Variants in TXNDC16 observed in about 807,000 individuals in gnomAD.
The protein encoded by TXNDC16 is thioredoxin domain-containing protein 16.
A neutral mutation model predicts 85.6 loss-of-function variants in TXNDC16; 74 were observed. The observed-to-expected ratio is 0.86, with a 90% CI of 0.72 to 1.05. TXNDC16 has a LOEUF of 1.05. Ranked by LOEUF, TXNDC16 falls within the 50% of genes least tolerant of loss-of-function variation. The probability of loss-of-function intolerance (pLI) is 0.00; values close to 1 mark genes in which losing one functional copy is unlikely to be tolerated. For synonymous variants in TXNDC16, 335 were observed against 326.5 expected, an observed-to-expected ratio of 1.03 and a Z score of -0.28; for missense variants, 959 against 947.0, an observed-to-expected ratio of 1.01 and a Z score of -0.17.
At chr14:52,458,867 C>T (rs1037725) in intron 16 of TXNDC16, among the ~76,000 whole-genome samples, 2,038 of 152,252 alleles carry the variant, frequency 0.013, 45 homozygotes, top group African/African-American at 0.046. Context: ...AAAGTCTCTT[C>T]GTAAATCCAT....
chr14:52,516,600 C>T (rs2037088088), intron 7 of TXNDC16, among the ~76,000 whole-genome samples: 2 of 152,172 alleles, frequency 1.3e-5, no homozygotes, highest in African/African-American at 4.8e-5. Flanking sequence ...TGCTGGGACT[C>T]AATGGGTCCT....
intron 10 of TXNDC16, 79 bp downstream of exon 10, chr14:52,490,760 T>C: frequency 6.8e-7 from 1 of 1,461,094 alleles, no homozygotes; most frequent in East Asian, 2.3e-5. Flanking sequence ...TACTTATAAG[T>C]GATTAAATTA....
At chr14:52,515,629 T>C (rs1364952222) in intron 7 of TXNDC16, among the ~76,000 whole-genome samples, 1 of 137,506 alleles carries the variant, frequency 7.3e-6, no homozygotes, top group East Asian at 2.0e-4. Flanking sequence ...TCATTTCTTC[T>C]TCTCTTATTT....
chr14:52,530,969 A>G (rs999472600), intron 6 of TXNDC16, among the ~76,000 whole-genome samples: 2 of 152,036 alleles, frequency 1.3e-5, no homozygotes, highest in East Asian at 3.9e-4. Context: ...ACTGTTACCC[A>G]AAATATACAA....
chr14:52,432,057 A>G lies in TXNDC16; in HGVS notation c.*247T>C, dbSNP rs1219631782. 3.2e-6 allele frequency: 1 copy of G among 316,860 alleles called. No individual in the cohort carries two copies. Among genetic ancestry groups the G allele is most frequent in the Non-Finnish European group, 5.7e-6 (1 of 176,912 alleles). 19.6% of individuals were successfully genotyped at this position (316,860 alleles called of 1,614,324 possible). A position where few individuals can be genotyped will look rare whatever the true frequency, so the allele number is the denominator to read the frequency against. On this transcript the variant is annotated 3_prime_UTR_variant, in exon 21 of 21. Coordinates refer to ENST00000281741, the MANE Select transcript of TXNDC16 (RefSeq NM_020784.3). ...AAAGGATGTAAAATATCTCATTAATAATTTCTATATTTCGCTATTTTGGGT... is the reference window on the plus strand; with the variant it reads ...AAAGGATGTAAAATATCTCATTAATGATTTCTATATTTCGCTATTTTGGGT...
chr14:52,432,657 T>G (rs2034931965), intron 20 of TXNDC16, 70 bp from the exon 21 acceptor site: 1 of 1,317,038 alleles, frequency 7.6e-7, no homozygotes, highest in African/African-American at 1.5e-5. Context: ...TATTAGAAAA[T>G]GTTTTATTTT....
rs550265620 is a variant in TXNDC16 at position 52,507,469 on chromosome 14, C to T, written c.756+3771G>A. The stretch of plus-strand genomic sequence containing the variant: ...GCTCATGGGTAGGAAGAATCAATAT[C>T]GTGAAAATGGCCATACTGCCCAAGG... On this transcript the variant is annotated intron_variant, in intron 9 of 20. Coordinates refer to ENST00000281741, the MANE Select transcript of TXNDC16 (RefSeq NM_020784.3). Among the ~76,000 whole-genome samples, 20 of 152,194 alleles carry T rather than the reference C, an allele frequency of 1.3e-4. No individual in the cohort carries two copies. In the South Asian group the frequency reaches 1.5e-3, roughly 11 times the overall value.
At chr14:52,460,797 A>C (rs1484679922) in intron 16 of TXNDC16, among the ~76,000 whole-genome samples, 1 of 152,152 alleles carries the variant, frequency 6.6e-6, no homozygotes, top group Non-Finnish European at 1.5e-5. Flanking sequence ...CTTTTTTGAG[A>C]GTTTATTCAA....
intron 1 of TXNDC16, among the ~76,000 whole-genome samples, chr14:52,546,996 G>T (rs943201847): frequency 6.6e-6 from 1 of 152,194 alleles, no homozygotes; most frequent in Admixed American, 6.5e-5. Context: ...CGTGGCTAAT[G>T]AACTTATTTA....
chr14:52,526,067 C>G (rs898571949), intron 6 of TXNDC16, among the ~76,000 whole-genome samples: 1 of 152,050 alleles, frequency 6.6e-6, no homozygotes, highest in Non-Finnish European at 1.5e-5. Flanking sequence ...TCCACAGATG[C>G]AGAACCTGTG....
At chr14:52,503,977 G>C (rs188167493) in intron 9 of TXNDC16, among the ~76,000 whole-genome samples, 1 of 152,324 alleles carries the variant, frequency 6.6e-6, no homozygotes, top group Non-Finnish European at 1.5e-5. Context: ...GGGTATCAGT[G>C]ATGGAAGATC....
intron 6 of TXNDC16, among the ~76,000 whole-genome samples, chr14:52,525,461 G>A (rs1323628487): frequency 1.3e-5 from 2 of 151,502 alleles, no homozygotes; most frequent in Non-Finnish European, 2.9e-5. Context: ...GGAGGCCGAG[G>A]TGGGCGGATC....
In TXNDC16 at chr14:52,482,244, G is replaced by A; in HGVS notation, c.1298C>T (p.Ala433Val). 6.2e-7 allele frequency: 1 copy of A among 1,611,758 alleles called. No individual in the cohort carries two copies. The highest frequency in any genetic ancestry group is 8.5e-7 in the Non-Finnish European group (1 of 1,178,836). ...CAGTACACTACCTTTCAGTTTAACT[G>A]CCACATCAATATAGGATTGCAAAAA... ...MAFLQSYIDV[A>V]VKLKGTSTML... The change falls in exon 14 of 21, where the codon GCA becomes GTA. Residue 433 changes from alanine (A) to valine (V), a missense_variant. Ala to Val is a moderately conservative substitution (Grantham distance 64). Coordinates refer to ENST00000281741, the MANE Select transcript of TXNDC16 (RefSeq NM_020784.3).
chr14:52,524,750 C>T (rs1276752944), intron 6 of TXNDC16, among the ~76,000 whole-genome samples: 1 of 152,082 alleles, frequency 6.6e-6, no homozygotes, highest in Non-Finnish European at 1.5e-5. Context: ...TTTCCTTAGC[C>T]TCCCAAAGTG....
chr14:52,543,658 G>T, intron 2 of TXNDC16, 28 bp from the exon 3 acceptor site: 1 of 1,288,102 alleles, frequency 7.8e-7, no homozygotes, highest in Non-Finnish European at 1.1e-6. Context: ...TTCAACAAGA[G>T]TTTGTTGAAT....
At chr14:52,481,972 G>C (rs2036160694) in intron 14 of TXNDC16, among the ~76,000 whole-genome samples, 1 of 152,084 alleles carries the variant, frequency 6.6e-6, no homozygotes, top group African/African-American at 2.4e-5. Context: ...AACCAAAAAG[G>C]TTGTTGTATT....
At chr14:52,530,546 TA>T (rs1480143756) in intron 6 of TXNDC16, among the ~76,000 whole-genome samples, 1 of 33,292 alleles carries the variant, frequency 3.0e-5, no homozygotes, top group African/African-American at 1.7e-4. Flanking sequence ...ATATAATATA[TA>T]ATTATATAAT....
Position 52,491,060 on chromosome 14 carries a change from A to T in TXNDC16, c.757-55T>A, listed in dbSNP as rs557288352. ...GTGATAACAATATTCCAACATTTGG[A>T]TTTAAATTCTCCTAATTCTTATTAA... On this transcript the variant is annotated intron_variant, in intron 9 of 20. Coordinates refer to ENST00000281741, the MANE Select transcript of TXNDC16 (RefSeq NM_020784.3). 3.2e-4 allele frequency: 490 copies of T among 1,525,482 alleles called. 1 individual carries two copies. The Middle Eastern group carries it at 3.3e-3, about 10-fold the overall frequency. 94.5% of individuals were successfully genotyped at this position (1,525,482 alleles called of 1,614,324 possible).
intron 7 of TXNDC16, among the ~76,000 whole-genome samples, chr14:52,516,816 A>G (rs1212090993): frequency 2.6e-5 from 4 of 152,092 alleles, no homozygotes; most frequent in Non-Finnish European, 4.4e-5. Context: ...GGAGTCACCC[A>G]AAACACCCCA....
Sources: allele counts gnomAD v4.1 joint callset (sites outside exome capture counted in the v4.1 genomes callset), GRCh38; gene constraint gnomAD v4.1.1; transcripts MANE v1.5; gene names NCBI Gene and HGNC (gene_info 2026-07-23, HGNC 2026-07-21).